Variants in PCDH7 observed in about 807,000 individuals in gnomAD.
PCDH7 encodes protocadherin-7.
A neutral mutation model predicts 58.9 loss-of-function variants in PCDH7; 17 were observed. The observed-to-expected ratio is 0.29, with a 90% CI of 0.20 to 0.43. The LOEUF (loss-of-function observed/expected upper bound fraction) is 0.43. Among genes scored for constraint, PCDH7 ranks in the 20% least tolerant of loss-of-function variants. The pLI is 1.00. For missense variants in PCDH7, 1,274 were observed against 1,441.0 expected (o/e 0.88, Z 1.88); for synonymous variants, 664 against 616.4 (o/e 1.08, Z -1.14).
chr4:30,834,592 G>T (rs1164466940), intron 1 of PCDH7, among the ~76,000 whole-genome samples: 1 of 151,462 alleles, frequency 6.6e-6, no homozygotes, highest in Non-Finnish European at 1.5e-5. Context: ...GTAAGTGCTT[G>T]TTGAACAGAA....
intron 3 of PCDH7, among the ~76,000 whole-genome samples, chr4:30,965,080 A>G (rs1748878125): frequency 6.6e-6 from 1 of 152,330 alleles, no homozygotes. Context: ...GTTATTTTAC[A>G]TTCAGCAGCT....
chr4:30,853,799 A>G (rs2109348584), intron 1 of PCDH7, among the ~76,000 whole-genome samples: 1 of 152,200 alleles, frequency 6.6e-6, no homozygotes, highest in African/African-American at 2.4e-5. Flanking sequence ...GTAAAAATGT[A>G]ACTACCACAT....
At chr4:31,102,520 C>T (rs527977040) in intron 3 of PCDH7, among the ~76,000 whole-genome samples, 1 of 151,930 alleles carries the variant, frequency 6.6e-6, no homozygotes, top group African/African-American at 2.4e-5. Flanking sequence ...GTCAGGAGTT[C>T]GAGACCAGCC....
At chr4:30,994,319 TCTGA>T (rs1233269035) in intron 3 of PCDH7, among the ~76,000 whole-genome samples, 1 of 152,198 alleles carries the variant, frequency 6.6e-6, no homozygotes, top group Admixed American at 6.5e-5. Flanking sequence ...ACCCCAATAC[TCTGA>T]CTATTTCTGT....
chr4:30,897,425 G>T (rs1019388368), intron 1 of PCDH7, among the ~76,000 whole-genome samples: 1 of 152,070 alleles, frequency 6.6e-6, no homozygotes, highest in Non-Finnish European at 1.5e-5. Flanking sequence ...AGTGTTTGTG[G>T]AAGTTTTTTT....
intron 1 of PCDH7, among the ~76,000 whole-genome samples, chr4:30,861,959 A>G (rs746437826): frequency 2.3e-4 from 35 of 152,120 alleles, no homozygotes; most frequent in Admixed American, 5.9e-4. Flanking sequence ...AATTCTATAC[A>G]TGGGAAAATA....
intron 1 of PCDH7, among the ~76,000 whole-genome samples, chr4:30,839,507 C>G (rs1730943385): frequency 6.6e-6 from 1 of 151,996 alleles, no homozygotes; most frequent in Non-Finnish European, 1.5e-5. Flanking sequence ...CATCCTAGGC[C>G]CATCCTTATG....
intron 2 of PCDH7, among the ~76,000 whole-genome samples, chr4:30,948,489 T>A (rs912457141): frequency 6.6e-6 from 1 of 152,114 alleles, no homozygotes; most frequent in Non-Finnish European, 1.5e-5. Context: ...TTCAACTTTA[T>A]TTTACTGAAA....
rs1474720445 is a variant in PCDH7, at chr4:31,036,994, C to G, written c.*7+86779C>G. ...ACAAGAATAGTGTGGGAAAGATCCA[C>G]CCCCCTGATTCAATTACCTCCCACC... is the stretch of plus-strand genomic sequence containing the variant. On this transcript the variant is annotated intron_variant, in intron 3 of 3. Transcript: ENST00000509759. Among the ~76,000 whole-genome samples the G allele has an allele frequency of 4.6e-5, 7 of 152,128 alleles. No individual in the cohort carries two copies. The East Asian group carries it at 1.4e-3, about 30-fold the overall frequency.
intron 2 of PCDH7, among the ~76,000 whole-genome samples, chr4:30,946,714 G>GTGTGTC (rs1210206553): frequency 6.6e-6 from 1 of 151,304 alleles, no homozygotes; most frequent in East Asian, 1.9e-4. Flanking sequence ...GTGTGTGTGT[G>GTGTGTC]TGTGTGTGTG....
intron 1 of PCDH7, among the ~76,000 whole-genome samples, chr4:30,750,202 G>A (rs1377234307): frequency 6.6e-6 from 1 of 152,172 alleles, no homozygotes; most frequent in Non-Finnish European, 1.5e-5. Flanking sequence ...GAGAGAGGGA[G>A]AAGTTAATAG....
At chr4:31,082,139 A>C (rs1711567505) in intron 3 of PCDH7, among the ~76,000 whole-genome samples, 1 of 152,154 alleles carries the variant, frequency 6.6e-6, no homozygotes, top group South Asian at 2.1e-4. Flanking sequence ...GAAAACAGGC[A>C]CCAAATATTA....
rs1347922001 is a variant in PCDH7 at position 30,768,795 on chromosome 4, T to C, written c.70+44199T>C. Among the ~76,000 whole-genome samples, 5 of 152,202 alleles carry C rather than the reference T, an allele frequency of 3.3e-5. No individual in the cohort carries two copies. The East Asian group carries it at 5.8e-4, about 18-fold the overall frequency. ...ATCAGCTGGAAACCTTTCTTAGAAT[T>C]GTGTTCAGCTACACAAAAAGTAAGG... On this transcript the variant is annotated intron_variant, in intron 1 of 3. Coordinates refer to the PCDH7 transcript ENST00000509759.
At chr4:30,763,194 C>T (rs1284798196) in intron 1 of PCDH7, among the ~76,000 whole-genome samples, 2 of 152,030 alleles carry the variant, frequency 1.3e-5, no homozygotes, top group African/African-American at 4.8e-5. Flanking sequence ...TGCACTCCGG[C>T]CTGGGGACAA....
intron 3 of PCDH7, among the ~76,000 whole-genome samples, chr4:31,027,735 A>T (rs962554102): frequency 2.0e-5 from 3 of 152,136 alleles, no homozygotes; most frequent in Non-Finnish European, 4.4e-5. Context: ...TTTCATTTAT[A>T]TATGCATAAT....
At position 30,935,783 on chromosome 4, in the gene PCDH7, T is replaced by C. The variant is rs12506754; in HGVS notation, c.288-14337T>C. The stretch of plus-strand genomic sequence containing the variant: ...CCAATTAGGCACCAATTCCTAGCCC[T>C]TATTCACGTCTCCATTTAAACTGCT... On this transcript the variant is annotated intron_variant, in intron 2 of 3. Transcript: ENST00000509759. 3.5e-3 allele frequency among the ~76,000 whole-genome samples: 539 copies of C among 152,230 alleles called. 14 individuals are homozygous for C. Among genetic ancestry groups the C allele is most frequent in the Admixed American group, 0.033 (500 of 15,276 alleles).
intron 1 of PCDH7, among the ~76,000 whole-genome samples, chr4:30,874,617 C>T (rs1413423076): frequency 2.0e-5 from 3 of 151,320 alleles, no homozygotes; most frequent in Non-Finnish European, 4.4e-5. Flanking sequence ...CTGCAGCACA[C>T]CAGCATGGCA....
At chr4:30,733,659 T>C (rs1192086774), downstream of PCDH7, among the ~76,000 whole-genome samples, 1 of 152,156 alleles carries the variant, frequency 6.6e-6, no homozygotes, top group African/African-American at 2.4e-5. Context: ...TGTTTGCTTA[T>C]TTGTACCACA....
intron 1 of PCDH7, chr4:30,884,463 T>C (rs1273347600): frequency 6.6e-6 from 1 of 152,102 alleles, no homozygotes; most frequent in African/African-American, 2.4e-5. Flanking sequence ...TTATTTTCAA[T>C]TAGGGTAGTG....
Sources: gnomAD v4.1 joint callset for allele counts (sites outside exome capture counted in the v4.1 genomes callset) on GRCh38, gnomAD v4.1.1 for gene constraint, MANE v1.5 for transcripts, NCBI Gene and HGNC (gene_info 2026-07-23, HGNC 2026-07-21) for gene names.